The following EIF2B3 variants were observed in gnomAD, a reference collection of about 807,000 sequenced individuals.
The protein encoded by EIF2B3 is translation initiation factor eIF2B subunit gamma.
A neutral mutation model predicts 54.1 loss-of-function variants in EIF2B3; 20 were observed. The observed-to-expected ratio is 0.37, with a 90% CI of 0.26 to 0.54. The LOEUF is 0.54. Among genes scored for constraint, EIF2B3 ranks in the 20% least tolerant of loss-of-function variants. The pLI, the probability that EIF2B3 is intolerant of heterozygous loss-of-function variation, is 0.86. For missense variants in EIF2B3, 448 were observed against 547.8 expected (o/e 0.82, Z 1.82); for synonymous variants, 153 against 188.1 (o/e 0.81, Z 1.52).
At position 44,911,082 on chromosome 1, in the gene EIF2B3, GAA is replaced by G. The variant is rs370857968; in HGVS notation, c.567-13640_567-13639del. On this transcript the variant is annotated intron_variant, in intron 5 of 11. Coordinates refer to ENST00000360403, the MANE Select transcript of EIF2B3 (RefSeq NM_020365.5). ...CACTAGGAGCTAACCTCCATCTTTG[GAA>G]ATTCAGCGTTTTAAAAAAGATAAAA... Among the ~76,000 whole-genome samples the G allele has an allele frequency of 1.5e-4, 23 of 152,284 alleles. No homozygotes were observed. The East Asian group carries it at 2.3e-3, about 15-fold the overall frequency.
chr1:44,911,480 A>G (rs1036612721), intron 5 of EIF2B3, among the ~76,000 whole-genome samples: 5 of 152,106 alleles, frequency 3.3e-5, no homozygotes, highest in African/African-American at 1.2e-4. Context: ...CTTCATTATC[A>G]CCTCACCTCT....
intron 10 of EIF2B3, among the ~76,000 whole-genome samples, chr1:44,861,725 C>T (rs1468763220): frequency 6.6e-6 from 1 of 152,062 alleles, no homozygotes; most frequent in Admixed American, 6.6e-5. Flanking sequence ...GTGGAGCCTG[C>T]GGATATGATA....
Position 44,935,118 on chromosome 1 carries a change from G to C in EIF2B3, c.454+6388C>G, listed in dbSNP as rs575800957. On this transcript the variant is annotated intron_variant, in intron 4 of 11. Transcript: ENST00000360403. ...TAAGGAGTTTGGGAAATACTACAGT[G>C]AATTGGATTGGTTAAATAAAGTTTC... 2.0e-5 allele frequency among the ~76,000 whole-genome samples: 3 copies of C among 152,308 alleles called. No individual in the cohort carries two copies. The East Asian group carries it at 5.8e-4, about 29-fold the overall frequency.
At chr1:44,861,404 G>A (rs1459282188) in intron 10 of EIF2B3, among the ~76,000 whole-genome samples, 4 of 152,096 alleles carry the variant, frequency 2.6e-5, no homozygotes, top group African/African-American at 7.2e-5. Flanking sequence ...CTACTCAGTC[G>A]TAAGAGCCAA....
chr1:44,964,356 A>G (rs1451601547), intron 3 of EIF2B3, among the ~76,000 whole-genome samples: 4 of 152,166 alleles, frequency 2.6e-5, no homozygotes, highest in Non-Finnish European at 4.4e-5. Flanking sequence ...CCCTTGACCA[A>G]CTGTATTTAC....
intron 7 of EIF2B3, among the ~76,000 whole-genome samples, 156 bp from the exon 8 acceptor site, chr1:44,880,164 C>A (rs1655343801): frequency 6.6e-6 from 1 of 152,166 alleles, no homozygotes; most frequent in Non-Finnish European, 1.5e-5. Flanking sequence ...GATCCTCCCA[C>A]CTCAGCTTCC....
intron 11 of EIF2B3, among the ~76,000 whole-genome samples, chr1:44,853,116 T>C (rs1654326152): frequency 1.3e-5 from 2 of 152,022 alleles, no homozygotes; most frequent in South Asian, 2.1e-4. Context: ...GGAAGTACCC[T>C]GGAAGCTGAT....
intron 10 of EIF2B3, among the ~76,000 whole-genome samples, chr1:44,864,344 C>G (rs928419856): frequency 2.0e-5 from 3 of 152,030 alleles, no homozygotes; most frequent in African/African-American, 7.3e-5. Flanking sequence ...GCGGGTGGAT[C>G]ACCTGTGGTC....
chr1:44,872,059 C>T (rs982846890), intron 10 of EIF2B3, among the ~76,000 whole-genome samples: 4 of 151,940 alleles, frequency 2.6e-5, no homozygotes, highest in South Asian at 2.1e-4. Context: ...TTAAGGCAGG[C>T]TCTCACTCTG....
chr1:44,879,111 T>C (rs1655297962), intron 8 of EIF2B3, among the ~76,000 whole-genome samples: 1 of 152,170 alleles, frequency 6.6e-6, no homozygotes, highest in African/African-American at 2.4e-5. Flanking sequence ...TTCCTTTTCC[T>C]AGTCTTATTA....
At chr1:44,859,787 C>T (rs759968212) in intron 10 of EIF2B3, among the ~76,000 whole-genome samples, 2 of 152,122 alleles carry the variant, frequency 1.3e-5, no homozygotes, top group African/African-American at 2.4e-5. Flanking sequence ...CAAAGAGTCT[C>T]GCTCTGTCAC....
intron 3 of EIF2B3, among the ~76,000 whole-genome samples, chr1:44,951,285 C>T (rs1317716651): frequency 3.9e-5 from 6 of 152,076 alleles, no homozygotes; most frequent in Non-Finnish European, 8.8e-5. Flanking sequence ...CAGCAATGAA[C>T]AAACAAACAA....
chr1:44,906,696 G>A (rs534838695), intron 5 of EIF2B3, among the ~76,000 whole-genome samples: 3 of 152,230 alleles, frequency 2.0e-5, no homozygotes, highest in African/African-American at 4.8e-5. Flanking sequence ...CACCGTGCCC[G>A]GGATAAAAGA....
intron 7 of EIF2B3, 97 bp from the exon 8 acceptor site, chr1:44,880,105 G>T: frequency 7.4e-7 from 1 of 1,345,402 alleles, no homozygotes; most frequent in Non-Finnish European, 1.0e-6. Flanking sequence ...TTTAAGAGAC[G>T]AGGTCTTGCT....
chr1:44,871,901 G>A (rs963351075), intron 10 of EIF2B3, among the ~76,000 whole-genome samples: 11 of 133,830 alleles, frequency 8.2e-5, no homozygotes, highest in Non-Finnish European at 1.7e-4. Flanking sequence ...TTTTGAGATA[G>A]GGTCTCACTC....
chr1:44,945,166 G>T (rs1196311102), intron 3 of EIF2B3, among the ~76,000 whole-genome samples: 1 of 151,832 alleles, frequency 6.6e-6, no homozygotes, highest in African/African-American at 2.4e-5. Flanking sequence ...TCTTTTGAAG[G>T]CCTTTTAAAG....
At chr1:44,863,548 T>G (rs1472205943) in intron 10 of EIF2B3, among the ~76,000 whole-genome samples, 1 of 152,168 alleles carries the variant, frequency 6.6e-6, no homozygotes, top group Non-Finnish European at 1.5e-5. Flanking sequence ...TGTATTATTT[T>G]TAATGAAATA....
chr1:44,941,374 T>C (rs925838927), intron 4 of EIF2B3, 132 bp downstream of exon 4: 8 of 1,083,926 alleles, frequency 7.4e-6, no homozygotes, highest in Admixed American at 2.7e-5. Context: ...TATTTGACTT[T>C]ATGTCATCAA....
chr1:44,888,575 A>C (rs1655684562), intron 6 of EIF2B3, among the ~76,000 whole-genome samples: 3 of 152,150 alleles, frequency 2.0e-5, no homozygotes. Context: ...ATGAGAAAAA[A>C]TTCTGAGGCT....
Sources: gnomAD v4.1 joint callset for allele counts (sites outside exome capture counted in the v4.1 genomes callset) on GRCh38, gnomAD v4.1.1 for gene constraint, MANE v1.5 for transcripts, NCBI Gene and HGNC (gene_info 2026-07-23, HGNC 2026-07-21) for gene names.